Variants in SCLT1 observed in about 807,000 individuals in gnomAD.
The protein encoded by SCLT1 is sodium channel and clathrin linker 1, also known as sodium channel-associated protein 1.
Under a neutral mutation model 112.8 loss-of-function variants are expected in SCLT1, and 78 were observed. The ratio of observed to expected loss-of-function variants is 0.69; its 90% CI spans 0.58 to 0.83. The LOEUF is 0.83. Among genes scored for constraint, SCLT1 ranks in the 40% least tolerant of loss-of-function variants. The pLI, the probability that SCLT1 is intolerant of heterozygous loss-of-function variation, is 0.00. For synonymous variants in SCLT1, 257 were observed against 254.7 expected (o/e 1.01, Z -0.09); for missense variants, 747 against 770.4 (o/e 0.97, Z 0.36).
intron 2 of SCLT1, among the ~76,000 whole-genome samples, chr4:129,072,864 G>A (rs1751143634): frequency 6.6e-6 from 1 of 152,000 alleles, no homozygotes; most frequent in Admixed American, 6.6e-5. Context: ...TTCTTGGGGG[G>A]TGCTGAAGAG....
intron 20 of SCLT1, among the ~76,000 whole-genome samples, 180 bp downstream of exon 20, chr4:128,888,499 C>A (rs917797032): frequency 1.3e-5 from 2 of 152,072 alleles, no homozygotes; most frequent in African/African-American, 4.8e-5. Context: ...ATTACAGTTG[C>A]GAGCCACCAC....
At chr4:129,055,775 A>G (rs58757062) in intron 2 of SCLT1, among the ~76,000 whole-genome samples, 2,116 of 151,374 alleles carry the variant, frequency 0.014, 52 homozygotes, top group African/African-American at 0.045. Context: ...TTTCCAGGGG[A>G]GTGAGTAATT....
At chr4:128,874,048 T>G (rs1732393937) in intron 5 of SCLT1, 1 of 152,642 alleles carries the variant, frequency 6.6e-6, no homozygotes, top group African/African-American at 2.4e-5. Flanking sequence ...GACTGACTAT[T>G]TTTGAGTTAT....
chr4:129,029,627 C>T (rs918033410), intron 5 of SCLT1, among the ~76,000 whole-genome samples: 21 of 151,476 alleles, frequency 1.4e-4, no homozygotes, highest in Non-Finnish European at 2.1e-4. Context: ...TGTATACATA[C>T]GTAACCAATC....
Position 129,044,057 on chromosome 4 carries a change from A to G in SCLT1, c.103-6T>C. 1 of 1,523,370 alleles carries G rather than the reference A, an allele frequency of 6.6e-7. No homozygotes were observed. Among genetic ancestry groups the G allele is most frequent in the African/African-American group, 1.4e-5 (1 of 72,822 alleles). 94.4% of individuals were successfully genotyped at this position (1,523,370 alleles called of 1,614,324 possible). ...TCTCCTTGGCAGACAGCTTTCTATA[A>G]AAGAATGTACATCTTAAAATGTGTT... On this transcript the variant is annotated splice_region_variant and splice_polypyrimidine_tract_variant and intron_variant, in intron 2 of 20. Coordinates refer to ENST00000281142, the MANE Select transcript of SCLT1 (RefSeq NM_144643.4).
chr4:129,049,588 C>T (rs551603867), intron 2 of SCLT1, among the ~76,000 whole-genome samples: 6 of 150,078 alleles, frequency 4.0e-5, no homozygotes, highest in African/African-American at 1.2e-4. Flanking sequence ...ACGTAACTAA[C>T]CTGCACATTG....
chr4:128,951,239 A>G (rs998871628), intron 14 of SCLT1, among the ~76,000 whole-genome samples: 1 of 152,092 alleles, frequency 6.6e-6, no homozygotes, highest in Non-Finnish European at 1.5e-5. Flanking sequence ...TTTTGAGAAA[A>G]TCTGTCTTAA....
At chr4:128,899,495 C>A (rs1156422660) in intron 18 of SCLT1, among the ~76,000 whole-genome samples, 1 of 152,272 alleles carries the variant, frequency 6.6e-6, no homozygotes, top group Middle Eastern at 3.4e-3. Flanking sequence ...TAAAAACTCT[C>A]AATAAATTAG....
At chr4:128,942,235 G>A (rs1354844787) in intron 17 of SCLT1, among the ~76,000 whole-genome samples, 1 of 151,970 alleles carries the variant, frequency 6.6e-6, no homozygotes, top group Admixed American at 6.6e-5. Flanking sequence ...AATTTATGTT[G>A]ACATGAATTA....
intron 18 of SCLT1, among the ~76,000 whole-genome samples, chr4:128,900,564 T>C (rs1405742838): frequency 3.3e-5 from 5 of 152,188 alleles, no homozygotes; most frequent in South Asian, 2.1e-4. Context: ...GACCTAAAAC[T>C]ATAAAAACCC....
At position 128,943,051 on chromosome 4, in the gene SCLT1, T is replaced by C; in HGVS notation, c.1577A>G (p.Glu526Gly). Residue 526 changes from glutamate (E) to glycine (G), a missense_variant, in exon 17 of 21, where the codon GAG (glutamate) becomes GGG (glycine). By Grantham distance (98) the Glu-to-Gly change is moderately conservative. Coordinates refer to ENST00000281142, the MANE Select transcript of SCLT1 (RefSeq NM_144643.4). ...GGCAATCTTCCTTAAACTCTCAGTC[T>C]CTTTCCGTAACTGTTTATTTTCTTG... is the stretch of plus-strand genomic sequence containing the variant. ...LQQENKQLRK[E>G]TESLRKIALE... 1 of 1,613,306 alleles carries C rather than the reference T, an allele frequency of 6.2e-7. No homozygotes were observed. The highest frequency in any genetic ancestry group is 8.5e-7 in the Non-Finnish European group (1 of 1,179,502).
chr4:128,964,730 A>G (rs976327446), intron 11 of SCLT1, among the ~76,000 whole-genome samples: 2 of 152,182 alleles, frequency 1.3e-5, no homozygotes, highest in African/African-American at 4.8e-5. Context: ...GGTTGAGGTA[A>G]TATCAAATTT....
chr4:128,991,714 T>A (rs1037233131), intron 9 of SCLT1, among the ~76,000 whole-genome samples: 1 of 151,818 alleles, frequency 6.6e-6, no homozygotes. Flanking sequence ...AATAGGTATA[T>A]GAAAAAATGC....
chr4:128,978,902 G>A (rs1741414877), intron 9 of SCLT1, among the ~76,000 whole-genome samples: 1 of 152,018 alleles, frequency 6.6e-6, no homozygotes, highest in Non-Finnish European at 1.5e-5. Flanking sequence ...AATAGAAAGA[G>A]GAGAAAGAAA....
intron 9 of SCLT1, among the ~76,000 whole-genome samples, chr4:128,980,102 C>A (rs1459036490): frequency 6.6e-6 from 1 of 152,194 alleles, no homozygotes; most frequent in East Asian, 1.9e-4. Context: ...GCTGCCAACA[C>A]ATAAGGAACT....
intron 8 of SCLT1, among the ~76,000 whole-genome samples, chr4:128,996,716 T>C (rs934571854): frequency 3.9e-5 from 6 of 152,144 alleles, no homozygotes; most frequent in Non-Finnish European, 7.4e-5. Flanking sequence ...TTATTCATCA[T>C]GCCATTTCTT....
Position 129,089,101 on chromosome 4 carries a change from C to A in SCLT1, c.34+3969G>T, listed in dbSNP as rs148623351. On this transcript the variant is annotated intron_variant, in intron 1 of 20. Transcript: ENST00000281142. Reference sequence around the variant, plus strand: ...ATGGAAGAAAATTTTTGCAATTTATCCATCTGACAAAGGTCAGATCCTACC... The same window carrying A: ...ATGGAAGAAAATTTTTGCAATTTATACATCTGACAAAGGTCAGATCCTACC... Among the ~76,000 whole-genome samples, 56 of 152,284 alleles carry A rather than the reference C, an allele frequency of 3.7e-4. 1 individual carries two copies. The highest frequency in any genetic ancestry group is 1.3e-3 in the African/African-American group (53 of 41,580).
chr4:129,057,524 A>G (rs1033657318), intron 2 of SCLT1, among the ~76,000 whole-genome samples: 3 of 149,566 alleles, frequency 2.0e-5, no homozygotes, highest in African/African-American at 7.4e-5. Context: ...TTTTGGTAGA[A>G]TTCAGCAGTG....
intron 18 of SCLT1, among the ~76,000 whole-genome samples, chr4:128,910,982 G>A (rs1038718246): frequency 6.6e-6 from 1 of 152,060 alleles, no homozygotes; most frequent in African/African-American, 2.4e-5. Context: ...AGTAACAACA[G>A]GCCAGGTGCG....
Sources: gnomAD v4.1 joint callset for allele counts (sites outside exome capture counted in the v4.1 genomes callset) on GRCh38, gnomAD v4.1.1 for gene constraint, MANE v1.5 for transcripts, NCBI Gene and HGNC (gene_info 2026-07-23, HGNC 2026-07-21) for gene names.